Variants in ZEB1 observed in about 807,000 individuals in gnomAD.
ZEB1 encodes zinc finger E-box binding homeobox 1.
Under a neutral mutation model 84.9 loss-of-function variants are expected in ZEB1, and 21 were observed. The observed-to-expected ratio is 0.25, with a 90% confidence interval of 0.18 to 0.36. The LOEUF is 0.36. Ranked by LOEUF, ZEB1 falls within the 10% of genes least tolerant of loss-of-function variation. The pLI, the probability that ZEB1 is intolerant of heterozygous loss-of-function variation, is 1.00. For missense variants in ZEB1, 1,104 were observed against 1,330.2 expected (o/e 0.83, Z 2.65); for synonymous variants, 420 against 471.1 (o/e 0.89, Z 1.41).
chr10:31,523,805 T>C, intron 7 of ZEB1, 128 bp from the exon 8 acceptor site: 1 of 1,074,084 alleles, frequency 9.3e-7, no homozygotes, highest in South Asian at 1.5e-5. Flanking sequence ...TCAGTGTGCT[T>C]GCTTTGGTCA....
At chr10:31,475,286 A>T (rs1295296590) in intron 2 of ZEB1, among the ~76,000 whole-genome samples, 1 of 152,158 alleles carries the variant, frequency 6.6e-6, no homozygotes, top group Non-Finnish European at 1.5e-5. Flanking sequence ...GTCTTCAAGA[A>T]ATACAGGATT....
chr10:31,328,173 G>C (rs1405903107), intron 1 of ZEB1, among the ~76,000 whole-genome samples: 1 of 152,066 alleles, frequency 6.6e-6, no homozygotes, highest in Non-Finnish European at 1.5e-5. Context: ...TAGTTTCTTA[G>C]TTGTATTTTT....
At chr10:31,362,854 A>T (rs556462441) in intron 1 of ZEB1, 1 of 1,158,470 alleles carries the variant, frequency 8.6e-7, no homozygotes, top group East Asian at 2.6e-5. Context: ...CCTCCTAAGC[A>T]ACTGTCTTAG....
chr10:31,449,040 G>C (rs1445822883), intron 1 of ZEB1, among the ~76,000 whole-genome samples: 1 of 152,232 alleles, frequency 6.6e-6, no homozygotes, highest in Non-Finnish European at 1.5e-5. Context: ...TTTGATCTCA[G>C]ACTGCTGTGC....
At chr10:31,413,466 A>G (rs2054651725) in intron 1 of ZEB1, among the ~76,000 whole-genome samples, 1 of 152,206 alleles carries the variant, frequency 6.6e-6, no homozygotes, top group Non-Finnish European at 1.5e-5. Flanking sequence ...GTGTCATTGC[A>G]GATAGAGAGG....
At chr10:31,456,355 T>C (rs1471724974) in intron 1 of ZEB1, among the ~76,000 whole-genome samples, 1 of 152,102 alleles carries the variant, frequency 6.6e-6, no homozygotes, top group Non-Finnish European at 1.5e-5. Context: ...TGTATACCTA[T>C]GTAACCTGCA....
intron 1 of ZEB1, among the ~76,000 whole-genome samples, chr10:31,404,185 G>T (rs781533948): frequency 6.6e-6 from 1 of 151,742 alleles, no homozygotes; most frequent in African/African-American, 2.4e-5. Context: ...TATAATCCTT[G>T]CTTCTCTGAT....
In ZEB1 at chr10:31,385,935, CAAAT is replaced by C. The variant is rs144007108; in HGVS notation, c.58+66644_58+66647del. 7.6e-4 allele frequency among the ~76,000 whole-genome samples: 116 copies of C among 152,154 alleles called. No homozygotes were observed. In the East Asian group the frequency reaches 0.018, roughly 24 times the overall value. On this transcript the variant is annotated intron_variant, in intron 1 of 8. Transcript: ENST00000424869. Reference sequence around the variant, plus strand: ...TAATAGTTTAAAAGTTAAAGGAAAACAAATGAATAATATTCTGTTTATTATAGTC... The same window carrying C: ...TAATAGTTTAAAAGTTAAAGGAAAACGAATAATATTCTGTTTATTATAGTC...
rs368816767 is a variant in ZEB1 at position 31,396,221 on chromosome 10, A to G, written c.59-64816A>G. 7.2e-5 allele frequency among the ~76,000 whole-genome samples: 11 copies of G among 152,352 alleles called. No homozygotes were observed. The East Asian group carries it at 1.9e-3, about 27-fold the overall frequency. On this transcript the variant is annotated intron_variant, in intron 1 of 8. Coordinates refer to ENST00000424869, the MANE Select transcript of ZEB1 (RefSeq NM_001174096.2). ...TAATTCATTTATTTAATAATTACTT[A>G]TGAAATATGTCATGTATAATAGTGC...
At chr10:31,372,304 C>T (rs2045867074) in intron 1 of ZEB1, among the ~76,000 whole-genome samples, 2 of 151,928 alleles carry the variant, frequency 1.3e-5, no homozygotes, top group African/African-American at 4.8e-5. Flanking sequence ...TATGTTAGGA[C>T]ACTGAGATAT....
chr10:31,499,937 T>C (rs1159672709), intron 3 of ZEB1, among the ~76,000 whole-genome samples: 2 of 152,038 alleles, frequency 1.3e-5, no homozygotes, highest in Non-Finnish European at 2.9e-5. Flanking sequence ...AATCAATGTA[T>C]AGGAAAGCTA....
rs1203806312 is a variant in ZEB1 at position 31,338,328 on chromosome 10, T to C, written c.58+19036T>C. 2.6e-5 allele frequency among the ~76,000 whole-genome samples: 4 copies of C among 152,310 alleles called. 1 individual carries two copies. The highest frequency in any genetic ancestry group is 2.0e-4 in the Admixed American group (3 of 15,308). The stretch of plus-strand genomic sequence containing the variant: ...AAAATATTAATTTATTTAGTATTCA[T>C]TGCAACCCTATGAGAAAGATCCTGC... On this transcript the variant is annotated intron_variant, in intron 1 of 8. Coordinates refer to ENST00000424869, the MANE Select transcript of ZEB1 (RefSeq NM_001174096.2).
At chr10:31,509,313 G>T (rs1421540110) in intron 4 of ZEB1, among the ~76,000 whole-genome samples, 1 of 152,172 alleles carries the variant, frequency 6.6e-6, no homozygotes, top group Non-Finnish European at 1.5e-5. Flanking sequence ...GGCTAGGATT[G>T]CAGGAGTCCA....
chr10:31,466,665 C>G (rs1419129301), intron 2 of ZEB1, among the ~76,000 whole-genome samples: 1 of 151,874 alleles, frequency 6.6e-6, no homozygotes, highest in Non-Finnish European at 1.5e-5. Context: ...AAGGAATGAT[C>G]TTAAATAAAC....
intron 1 of ZEB1, among the ~76,000 whole-genome samples, chr10:31,410,384 T>C (rs1345159607): frequency 6.6e-6 from 1 of 152,208 alleles, no homozygotes; most frequent in African/African-American, 2.4e-5. Context: ...AGCTTTTTGA[T>C]ACACTGCCGG....
chr10:31,376,222 A>C (rs751026949), intron 1 of ZEB1, among the ~76,000 whole-genome samples: 1 of 151,768 alleles, frequency 6.6e-6, no homozygotes, highest in African/African-American at 2.4e-5. Flanking sequence ...GCAAGTAATT[A>C]CAATAAAGTA....
intron 1 of ZEB1, among the ~76,000 whole-genome samples, chr10:31,337,002 T>C (rs2038222774): frequency 6.6e-6 from 1 of 152,178 alleles, no homozygotes; most frequent in Non-Finnish European, 1.5e-5. Flanking sequence ...TACCAGGTAA[T>C]GTATGTAGTT....
intron 2 of ZEB1, among the ~76,000 whole-genome samples, chr10:31,475,296 T>C (rs1457138808): frequency 6.6e-6 from 1 of 151,660 alleles, no homozygotes; most frequent in East Asian, 1.9e-4. Flanking sequence ...AATACAGGAT[T>C]ATGTAAAGCT....
rs2073716635 is a variant in ZEB1, at chr10:31,527,454, A to ACAC, written c.*190_*191insCAC. The ACAC allele has an allele frequency of 1.9e-5, 11 of 594,328 alleles. No individual in the cohort carries two copies. The South Asian group carries it at 3.0e-4, about 16-fold the overall frequency. The allele number at this position is 594,328 out of a possible 1,614,324, so 36.8% of individuals were successfully genotyped here. Reference sequence around the variant, plus strand: ...ACACACACACACACACACACACACAAAATAAATCCGGGTGTGCCTGAACCT... The same window carrying ACAC: ...ACACACACACACACACACACACACAACACAATAAATCCGGGTGTGCCTGAACCT... On this transcript the variant is annotated 3_prime_UTR_variant, in exon 9 of 9. Transcript: ENST00000424869.
Sources: gnomAD v4.1 joint callset for allele counts (sites outside exome capture counted in the v4.1 genomes callset) on GRCh38, gnomAD v4.1.1 for gene constraint, MANE v1.5 for transcripts, NCBI Gene and HGNC (gene_info 2026-07-23, HGNC 2026-07-21) for gene names.